The following FCGR1A variants were observed in gnomAD, a reference collection of about 807,000 sequenced individuals.
The protein encoded by FCGR1A is high affinity immunoglobulin gamma Fc receptor I.
FCGR1A carries 13 observed loss-of-function variants against 35.0 expected under a neutral mutation model. That is an observed-to-expected ratio of 0.37 (90% CI 0.24 to 0.59). FCGR1A has a LOEUF of 0.59. Ranked by LOEUF, FCGR1A falls within the 20% of genes least tolerant of loss-of-function variation. The pLI, the probability that FCGR1A is intolerant of heterozygous loss-of-function variation, is 0.71. For missense variants in FCGR1A, 227 were observed against 430.0 expected (o/e 0.53, Z 4.17); for synonymous variants, 91 against 164.7 (o/e 0.55, Z 3.43).
chr1:149,799,809 C>G, the FCGR1A span, among the ~76,000 whole-genome samples: 7 of 152,162 alleles, frequency 4.6e-5, no homozygotes, highest in Non-Finnish European at 8.8e-5. Flanking sequence ...ATCATGAGGA[C>G]GGAGAAACTC....
chr1:149,792,629 G>A (rs2091737152), downstream of FCGR1A: 1 of 1,260,656 alleles, frequency 7.9e-7, no homozygotes, highest in Non-Finnish European at 1.0e-6. Context: ...GTGGCCGCAT[G>A]TGCATATTGC....
rs1553751852 is a variant in FCGR1A at position 149,791,366 on chromosome 1, T to G, written c.974T>G (p.Leu325Ter). The G allele has an allele frequency of 1.3e-5, 20 of 1,580,972 alleles. 3 individuals are homozygous for G. Among genetic ancestry groups the G allele is most frequent in the Non-Finnish European group, 1.7e-5 (20 of 1,160,590 alleles). Residue 325 changes from leucine to a stop codon, truncating the protein, a stop_gained, in exon 6 of 6, where the codon TTA becomes TGA. Coordinates refer to ENST00000369168, the MANE Select transcript of FCGR1A (RefSeq NM_000566.4). LOFTEE classifies it low-confidence loss of function (END_TRUNC). ...CTGAAAAGAAAGAAAAAGTGGGATT[T>G]AGAAATCTCTTTGGATTCTGGTCAT... ...KELKRKKKWDLEISLDSGHEK... is the reference protein window; with the variant it reads ...KELKRKKKWD
downstream of FCGR1A, chr1:149,793,044 C>T: frequency 2.4e-6 from 3 of 1,261,562 alleles, no homozygotes; most frequent in Non-Finnish European, 2.0e-6. Flanking sequence ...GCTCCCGGGC[C>T]CCGGCGCGGC....
chr1:149,798,768 T>C, the FCGR1A span, among the ~76,000 whole-genome samples: 1 of 152,152 alleles, frequency 6.6e-6, no homozygotes, highest in Non-Finnish European at 1.5e-5. Context: ...CATGTAACCA[T>C]GCCTGGCTAA....
At chr1:149,795,251 A>AAAAT (rs59487657), downstream of FCGR1A, among the ~76,000 whole-genome samples, 12,186 of 108,322 alleles carry the variant, frequency 0.11, 1,093 homozygotes, top group East Asian at 0.24. Flanking sequence ...CCCTGTCTCA[A>AAAAT]AAATAAATAA....
In FCGR1A at chr1:149,790,113, C is replaced by A. The variant is rs1175057007; in HGVS notation, c.619C>A (p.Leu207Met). 1 of 1,613,908 alleles carries A rather than the reference C, an allele frequency of 6.2e-7. No individual in the cohort carries two copies. The highest frequency in any genetic ancestry group is 8.5e-7 in the Non-Finnish European group (1 of 1,179,874). ...SVTSPLLEGN[L>M]VTLSCETKLL... is the part of the protein sequence containing the mutation. ...GACATCCCCACTCCTGGAGGGGAAT[C>A]TGGTCACCCTGAGCTGTGAAACAAA... The change falls in exon 5 of 6, where the codon CTG (leucine) becomes ATG (methionine). Residue 207 changes from leucine (L) to methionine (M), a missense_variant. Leu to Met is a conservative substitution (Grantham distance 15). This residue lies in a region of FCGR1A where 185 missense variants were observed against 306.6 expected (regional missense o/e 0.60). Transcript: ENST00000369168.
the FCGR1A span, among the ~76,000 whole-genome samples, chr1:149,800,182 G>C: frequency 1.3e-5 from 2 of 152,284 alleles, no homozygotes; most frequent in South Asian, 4.1e-4. Context: ...CAGATGAAAA[G>C]ATGCATAAGG....
chr1:149,790,452 A>G (rs2091678029), intron 5 of FCGR1A, 114 bp downstream of exon 5: 4 of 1,526,704 alleles, frequency 2.6e-6, no homozygotes, highest in Middle Eastern at 2.3e-4. Context: ...AAGTCTCTTC[A>G]GGAAAAGCCC....
intron 4 of FCGR1A, among the ~76,000 whole-genome samples, chr1:149,789,455 G>T (rs2091644857): frequency 6.6e-6 from 1 of 150,694 alleles, no homozygotes; most frequent in Admixed American, 6.6e-5. Context: ...GCAAGTGTGT[G>T]AGTCAGGGTT....
At chr1:149,788,866 G>A (rs1389607222) in intron 4 of FCGR1A, among the ~76,000 whole-genome samples, 2 of 152,018 alleles carry the variant, frequency 1.3e-5, no homozygotes, top group Non-Finnish European at 2.9e-5. Flanking sequence ...CAATGTCAGG[G>A]CATAATGGTG....
chr1:149,792,890 C>A (rs1232753418), downstream of FCGR1A: 41 of 1,261,588 alleles, frequency 3.2e-5, no homozygotes, highest in East Asian at 6.4e-4. Flanking sequence ...AAGGGGCGGC[C>A]CCCCAAAATC....
At chr1:149,792,197 G>C (rs2091727694), downstream of FCGR1A, 3 of 165,930 alleles carry the variant, frequency 1.8e-5, no homozygotes, top group South Asian at 4.1e-4. Flanking sequence ...CTAGGCCCCT[G>C]CCCTGTAGGA....
chr1:149,794,110 G>A (rs1376824060), downstream of FCGR1A: 17 of 465,276 alleles, frequency 3.7e-5, no homozygotes, highest in Non-Finnish European at 6.3e-5. Context: ...AACAGTAGAA[G>A]CAAAGAGACC....
chr1:149,797,790 G>T, the FCGR1A span, among the ~76,000 whole-genome samples: 1 of 151,982 alleles, frequency 6.6e-6, no homozygotes, highest in Admixed American at 6.6e-5. Context: ...GAGACACAGG[G>T]TCCTGCCATG....
intron 2 of FCGR1A, 24 bp from the exon 3 acceptor site, chr1:149,783,979 T>TTTCTTC: frequency 1.9e-6 from 3 of 1,589,850 alleles, no homozygotes; most frequent in Non-Finnish European, 2.6e-6. Context: ...TCTTTTTCTT[T>TTTCTTC]TTCTTCTTGT....
In FCGR1A at chr1:149,789,390, C is replaced by G. The variant is rs587623332; in HGVS notation, c.560-664C>G. ...CCTGGGCAACAGAGCGAGACTACGT[C>G]TCAAATAATAATAATAATAATAATA... On this transcript the variant is annotated intron_variant, in intron 4 of 5. Coordinates refer to ENST00000369168, the MANE Select transcript of FCGR1A (RefSeq NM_000566.4). Among the ~76,000 whole-genome samples, 39 of 129,026 alleles carry G rather than the reference C, an allele frequency of 3.0e-4. 1 individual carries two copies. The South Asian group carries it at 8.1e-3, about 27-fold the overall frequency. The allele number at this position is 129,026 out of a possible 152,430, so 84.6% of individuals were successfully genotyped here.
rs2091607147 is a variant in FCGR1A, at chr1:149,788,370, G to A, written c.312G>A (p.Trp104Ter). 6.2e-7 allele frequency: 1 copy of A among 1,612,484 alleles called. No homozygotes were observed. Among genetic ancestry groups the A allele is most frequent in the South Asian group, 1.1e-5 (1 of 91,018 alleles). ...TTTTGGGTTCATATTTTTCAGGCTG[G>A]CTACTACTGCAGGTCTCCAGCAGAG... is the stretch of plus-strand genomic sequence containing the variant. ...DPIQLEIHRG[W>*]LLLQVSSRVF... The change falls in exon 4 of 6, where the codon TGG becomes TGA. Residue 104 changes from tryptophan to a stop codon, truncating the protein, a stop_gained. Transcript: ENST00000369168. LOFTEE classifies it high-confidence loss of function.
chr1:149,794,286 AT>A (rs1297403353), downstream of FCGR1A, among the ~76,000 whole-genome samples: 1 of 151,692 alleles, frequency 6.6e-6, no homozygotes, highest in Non-Finnish European at 1.5e-5. Context: ...GAACACGTAG[AT>A]TTTGGGTCAA....
At chr1:149,792,793 T>C, downstream of FCGR1A, 1 of 1,279,574 alleles carries the variant, frequency 7.8e-7, no homozygotes, top group Admixed American at 2.3e-5. Flanking sequence ...GAGCGAGAAA[T>C]GAGCTGTAGG....
Sources: allele counts gnomAD v4.1 joint callset (sites outside exome capture counted in the v4.1 genomes callset), GRCh38; gene constraint gnomAD v4.1.1; regional missense constraint gnomAD v4.1.1; transcripts MANE v1.5; gene names NCBI Gene and HGNC (gene_info 2026-07-23, HGNC 2026-07-21).